The following SLC6A15 variants were observed in gnomAD, a reference collection of about 807,000 sequenced individuals.
SLC6A15 encodes solute carrier family 6 member 15, also known as sodium-dependent neutral amino acid transporter B(0)AT2.
SLC6A15 carries 33 observed loss-of-function variants against 68.5 expected under a neutral mutation model. The ratio of observed to expected loss-of-function variants is 0.48; its 90% CI spans 0.37 to 0.64. SLC6A15 has a LOEUF of 0.64. Among genes scored for constraint, SLC6A15 ranks in the 30% least tolerant of loss-of-function variants. SLC6A15 has a pLI of 0.00. For missense variants in SLC6A15, 747 were observed against 874.3 expected, an observed-to-expected ratio of 0.85 and a Z score of 1.84; for synonymous variants, 347 against 301.0, an observed-to-expected ratio of 1.15 and a Z score of -1.58.
At chr12:84,875,788 C>T (rs2949796) in intron 6 of SLC6A15, among the ~76,000 whole-genome samples, 109,578 of 109,580 alleles carry the variant, frequency 1, 54,788 homozygotes, top group Middle Eastern at 1. Flanking sequence ...GTGGGCCCAC[C>T]GTTGAGTTTA....
At chr12:84,871,653 A>G (rs1342714485) in intron 8 of SLC6A15, among the ~76,000 whole-genome samples, 1 of 152,166 alleles carries the variant, frequency 6.6e-6, no homozygotes, top group African/African-American at 2.4e-5. Context: ...TTTTATATTA[A>G]TGATGGCTTT....
At chr12:84,883,592 CTTTTAAGTATTCACAAAAA>C in intron 5 of SLC6A15, 1 of 1,396,036 alleles carries the variant, frequency 7.2e-7, no homozygotes, top group South Asian at 1.7e-5. Flanking sequence ...AAAGAAAGGA[CTTTTAAGTATTCACAAAAA>C]TTTTAAAGAT....
In SLC6A15 at chr12:84,872,620, A is replaced by T; in HGVS notation, c.1284T>A (p.Ile428=). The part of the protein sequence containing the change: ...FPALHLNSCK[I]EEELNKAVQG... ...TACTAACTTTATTTAGCTCTTCTTCAATTTTACAGGAATTGAGATGAAGAG... is the reference window on the plus strand; with the variant it reads ...TACTAACTTTATTTAGCTCTTCTTCTATTTTACAGGAATTGAGATGAAGAG... Residue 428 remains isoleucine (I), a synonymous_variant, in exon 8 of 12, where the codon ATT becomes ATA. Transcript: ENST00000266682. 6.2e-7 allele frequency: 1 copy of T among 1,607,388 alleles called. No homozygotes were observed. Among genetic ancestry groups the T allele is most frequent in the Non-Finnish European group, 8.5e-7 (1 of 1,178,598 alleles).
chr12:84,867,250 A>T (rs1361528740), intron 9 of SLC6A15, 57 bp from the exon 10 acceptor site: 7 of 1,360,196 alleles, frequency 5.1e-6, no homozygotes, highest in Non-Finnish European at 3.9e-6. Flanking sequence ...AGGCCTTTAA[A>T]CTTTATTATA....
Position 84,863,655 on chromosome 12 carries a change from A to G in SLC6A15, c.1656-54T>C, listed in dbSNP as rs573921235. The G allele has an allele frequency of 9.7e-5, 125 of 1,287,090 alleles. 3 individuals are homozygous for G. The South Asian group carries it at 1.2e-3, about 12-fold the overall frequency. The allele number at this position is 1,287,090 out of a possible 1,614,324, so 79.7% of individuals were successfully genotyped here. ...CCTTAATTTAATATTGCTAAACCTT[A>G]AAAAATGTGCATTATATTAATGGTC... is the stretch of plus-strand genomic sequence containing the variant. On this transcript the variant is annotated intron_variant, in intron 10 of 11. Coordinates refer to ENST00000266682, the MANE Select transcript of SLC6A15 (RefSeq NM_182767.6).
chr12:84,863,522 G>T lies in SLC6A15; in HGVS notation c.1735C>A (p.Leu579Ile). The T allele has an allele frequency of 6.3e-7, 1 of 1,595,900 alleles. No individual in the cohort carries two copies. The highest frequency in any genetic ancestry group is 1.4e-5 in the African/African-American group (1 of 73,772). Residue 579 changes from leucine to isoleucine, a missense_variant, in exon 11 of 12, where the codon CTA becomes ATA. Coordinates refer to ENST00000266682, the MANE Select transcript of SLC6A15 (RefSeq NM_182767.6). Reference sequence around the variant, plus strand: ...GCTATTAGCAATGATAATAGCATTAGAGGAGAAATATATTTCCACATATAG... The same window carrying T: ...GCTATTAGCAATGATAATAGCATTATAGGAGAAATATATTTCCACATATAG... ...YYYMWKYISP[L>I]MLLSLLIASV... is the part of the protein sequence containing the mutation.
chr12:84,872,549 G>T, intron 8 of SLC6A15, 53 bp downstream of exon 8: 1 of 1,463,236 alleles, frequency 6.8e-7, no homozygotes, highest in Non-Finnish European at 9.4e-7. Flanking sequence ...GCTGGATAAT[G>T]CATATTTCAA....
chr12:84,886,560 G>A (rs1201991728), intron 2 of SLC6A15, among the ~76,000 whole-genome samples: 2 of 148,094 alleles, frequency 1.4e-5, no homozygotes, highest in Non-Finnish European at 1.5e-5. Context: ...TAACATCATG[G>A]AAGAAGAAAC....
rs376347410 is a variant in SLC6A15, at chr12:84,863,456, C to T, written c.1801G>A (p.Ala601Thr). The T allele has an allele frequency of 5.1e-6, 8 of 1,573,726 alleles. No homozygotes were observed. The highest frequency in any genetic ancestry group is 2.4e-5 in the South Asian group (2 of 83,122). The change falls in exon 11 of 12, where the codon GCA becomes ACA. Residue 601 changes from alanine (A) to threonine (T), a missense_variant. By Grantham distance (58) the Ala-to-Thr change is moderately conservative (BLOSUM62 0). Coordinates refer to ENST00000266682, the MANE Select transcript of SLC6A15 (RefSeq NM_182767.6). ...GTATTTACCTTATCTTCAATCCATG[C>T]GTTATAGCCAGGAGGACTTAATCCC... ...NMGLSPPGYNAWIEDKASEEF... is the reference protein window; with the variant it reads ...NMGLSPPGYNTWIEDKASEEF...
intron 10 of SLC6A15, among the ~76,000 whole-genome samples, chr12:84,866,667 G>C (rs1167998896): frequency 1.3e-5 from 2 of 152,086 alleles, no homozygotes; most frequent in Non-Finnish European, 2.9e-5. Flanking sequence ...AAGTCACAGG[G>C]TGTCTCTCTA....
At chr12:84,871,572 G>A (rs1477535316) in intron 8 of SLC6A15, among the ~76,000 whole-genome samples, 2 of 151,218 alleles carry the variant, frequency 1.3e-5, no homozygotes, top group East Asian at 1.9e-4. Flanking sequence ...AAAGACAGAT[G>A]AGAATTAAAA....
At chr12:84,911,842 A>C (rs1873480257) in intron 1 of SLC6A15, 1 of 152,354 alleles carries the variant, frequency 6.6e-6, no homozygotes, top group Admixed American at 6.5e-5. Context: ...CTCAAATTCC[A>C]GGATGCGCAG....
At chr12:84,911,040 T>C (rs1239178090) in intron 1 of SLC6A15, among the ~76,000 whole-genome samples, 2 of 152,008 alleles carry the variant, frequency 1.3e-5, no homozygotes, top group Non-Finnish European at 1.5e-5. Context: ...AACGTACAAG[T>C]CAAGCCCAGT....
rs67339994 is a variant in SLC6A15, at chr12:84,895,339, ATTTTTTTTTTTTTTTTT to A, written c.-188-3048_-188-3032del. On this transcript the variant is annotated intron_variant, in intron 1 of 11. Coordinates refer to ENST00000266682, the MANE Select transcript of SLC6A15 (RefSeq NM_182767.6). ...CTTAGATGTTTTCATTTTTGTTTGT[ATTTTTTTTTTTTTTTTT>A]TTTTTTTTTTTGAGATGGAGTCTCA... 9.1e-3 allele frequency among the ~76,000 whole-genome samples: 496 copies of A among 54,804 alleles called. 7 individuals are homozygous for A. Among genetic ancestry groups the A allele is most frequent in the African/African-American group, 0.032 (481 of 14,862 alleles). 36.0% of individuals were successfully genotyped at this position (54,804 alleles called of 152,430 possible).
At chr12:84,909,110 T>A (rs773681196) in intron 1 of SLC6A15, among the ~76,000 whole-genome samples, 1 of 152,152 alleles carries the variant, frequency 6.6e-6, no homozygotes, top group Non-Finnish European at 1.5e-5. Context: ...TAGCCCTTGA[T>A]AAAAATTGTG....
chr12:84,888,636 G>C (rs1037484455), intron 2 of SLC6A15, among the ~76,000 whole-genome samples: 5 of 152,028 alleles, frequency 3.3e-5, no homozygotes, highest in African/African-American at 1.2e-4. Context: ...TGGGGGATAC[G>C]GTTAAAAAAC....
At chr12:84,884,169 G>C (rs1367304853) in intron 4 of SLC6A15, 129 bp from the exon 5 acceptor site, 2 of 692,838 alleles carry the variant, frequency 2.9e-6, no homozygotes, top group African/African-American at 1.8e-5. Context: ...ATAGCAGCAT[G>C]TAAATTCACA....
At chr12:84,883,756 T>C (rs1871940576) in intron 5 of SLC6A15, 103 bp downstream of exon 5, 1 of 1,613,068 alleles carries the variant, frequency 6.2e-7, no homozygotes, top group African/African-American at 1.3e-5. Context: ...TAGAATGAAG[T>C]GTTATGTGTG....
At chr12:84,899,542 A>G (rs962608623) in intron 1 of SLC6A15, among the ~76,000 whole-genome samples, 6 of 152,042 alleles carry the variant, frequency 3.9e-5, no homozygotes, top group African/African-American at 1.4e-4. Context: ...TTTCCATTTC[A>G]TTGCCAAGCA....
Sources: allele counts gnomAD v4.1 joint callset (sites outside exome capture counted in the v4.1 genomes callset), GRCh38; gene constraint gnomAD v4.1.1; transcripts MANE v1.5; gene names NCBI Gene and HGNC (gene_info 2026-07-23, HGNC 2026-07-21).